MORC4: variants seen among roughly 807,000 people sequenced by gnomAD.
MORC4 encodes the protein MORC family CW-type zinc finger protein 4.
A neutral mutation model predicts 65.5 loss-of-function variants in MORC4; 22 were observed. The observed-to-expected ratio is 0.34, with a 90% CI of 0.24 to 0.48. The LOEUF (loss-of-function observed/expected upper bound fraction) is 0.48. Among genes scored for constraint, MORC4 ranks in the 20% least tolerant of loss-of-function variants. The pLI, the probability that MORC4 is intolerant of heterozygous loss-of-function variation, is 0.99. For synonymous variants in MORC4, 267 were observed against 255.8 expected (o/e 1.04, Z -0.42); for missense variants, 624 against 703.0 (o/e 0.89, Z 1.27).
chrX:106,997,126 G>A (rs1160611748), intron 2 of MORC4, among the ~76,000 whole-genome samples: 1 of 111,987 alleles, frequency 8.9e-6, no homozygotes, highest in East Asian at 2.8e-4. Context: ...TTTGTCACAA[G>A]CCTATTCTTC....
intron 9 of MORC4, among the ~76,000 whole-genome samples, chrX:106,976,241 C>CT (rs1019234659): frequency 2.7e-5 from 3 of 111,056 alleles, no homozygotes; most frequent in Non-Finnish European, 5.7e-5. Context: ...TTTCAAACTG[C>CT]TTTTTTTTAT....
In MORC4 at chrX:106,985,257, T is replaced by C. The variant is rs760847893; in HGVS notation, c.527-14A>G. 3.1e-5 allele frequency: 34 copies of C among 1,105,991 alleles called. No individual in the cohort carries two copies. The highest frequency in any genetic ancestry group is 3.4e-5 in the Non-Finnish European group (28 of 822,780). The allele number at this position is 1,105,991 out of a possible 1,213,427, so 91.1% of individuals were successfully genotyped here. A position where few individuals can be genotyped will look rare whatever the true frequency, so the allele number is the denominator to read the frequency against. On this transcript the variant is annotated splice_polypyrimidine_tract_variant and intron_variant, in intron 4 of 16. Transcript: ENST00000355610. Reference sequence around the variant, plus strand: ...TAATCATTTTTTGTAAAATCAAATATAGTCAAAGAAAAAATAATATCTTAG... The same window carrying C: ...TAATCATTTTTTGTAAAATCAAATACAGTCAAAGAAAAAATAATATCTTAG...
intron 8 of MORC4, 46 bp from the exon 9 acceptor site, chrX:106,976,730 C>T (rs1934632736): frequency 1.1e-6 from 1 of 943,296 alleles, no homozygotes; most frequent in Non-Finnish European, 1.5e-6. Flanking sequence ...CTGTTGGCTG[C>T]CTGGAGGCAT....
chrX:106,990,643 G>A (rs1389231825), intron 3 of MORC4, among the ~76,000 whole-genome samples: 3 of 112,361 alleles, frequency 2.7e-5, no homozygotes, highest in African/African-American at 9.7e-5. Context: ...AGGCCAAGGC[G>A]GGCTGATCAC....
intron 2 of MORC4, among the ~76,000 whole-genome samples, chrX:106,993,711 T>C (rs895027043): frequency 1.8e-5 from 2 of 112,588 alleles, no homozygotes; most frequent in African/African-American, 6.4e-5. Context: ...TTTTAGCCCC[T>C]TTACTGTTTG....
chrX:106,952,042 G>T (rs1163595416), intron 14 of MORC4, among the ~76,000 whole-genome samples: 1 of 99,562 alleles, frequency 1.0e-5, no homozygotes, highest in Non-Finnish European at 2.0e-5. Flanking sequence ...AAAACTATAT[G>T]CACTTTATAT....
chrX:106,949,466 T>G, intron 14 of MORC4, among the ~76,000 whole-genome samples: 1 of 112,333 alleles, frequency 8.9e-6, no homozygotes, highest in Non-Finnish European at 1.9e-5. Context: ...TGTTTCATAA[T>G]TTTTGTTGAC....
At chrX:106,945,771 CTT>C (rs1933811930) in intron 14 of MORC4, among the ~76,000 whole-genome samples, 1 of 110,872 alleles carries the variant, frequency 9.0e-6, no homozygotes, top group African/African-American at 3.3e-5. Context: ...TCTTTCTGCC[CTT>C]TGTCATATTC....
chrX:106,997,380 A>G (rs751435623), intron 2 of MORC4, among the ~76,000 whole-genome samples: 51 of 111,510 alleles, frequency 4.6e-4, no homozygotes, highest in African/African-American at 1.6e-3. Flanking sequence ...TGCAAGACTG[A>G]CTTTCCTGAA....
intron 14 of MORC4, among the ~76,000 whole-genome samples, chrX:106,943,896 T>C (rs1933762023): frequency 1.8e-5 from 2 of 112,771 alleles, no homozygotes; most frequent in African/African-American, 6.4e-5. Context: ...GGAAAGCCCA[T>C]GATGATGACC....
chrX:106,956,848 A>T (rs1934117821), intron 12 of MORC4, 88 bp downstream of exon 12: 1 of 706,335 alleles, frequency 1.4e-6, no homozygotes. Context: ...AACCAAAAAA[A>T]TTCTCTCTTC....
intron 7 of MORC4, among the ~76,000 whole-genome samples, chrX:106,980,344 TAAG>T (rs1208907491): frequency 1.8e-5 from 2 of 111,237 alleles, no homozygotes; most frequent in East Asian, 5.6e-4. Flanking sequence ...ATGTCAAACC[TAAG>T]AAGATTTACT....
At chrX:106,960,576 G>A (rs1934213111) in intron 10 of MORC4, among the ~76,000 whole-genome samples, 1 of 111,694 alleles carries the variant, frequency 9.0e-6, no homozygotes, top group Admixed American at 9.5e-5. Flanking sequence ...TAACAGGTAG[G>A]GTTGTTGTGA....
chrX:106,999,608 C>A, intron 2 of MORC4, 69 bp downstream of exon 2: 2 of 1,007,891 alleles, frequency 2.0e-6, no homozygotes, highest in Non-Finnish European at 2.6e-6. Flanking sequence ...GCATTCCTCT[C>A]GCGTCCGCGG....
intron 10 of MORC4, 72 bp downstream of exon 10, chrX:106,961,940 T>C: frequency 1.1e-6 from 1 of 889,712 alleles, no homozygotes. Context: ...TCCAGACACA[T>C]TACCCTTGTT....
intron 14 of MORC4, among the ~76,000 whole-genome samples, chrX:106,945,748 T>C (rs978385363): frequency 3.6e-5 from 4 of 111,197 alleles, no homozygotes; most frequent in Non-Finnish European, 3.8e-5. Context: ...AACTACACAG[T>C]TTCCTCTTAT....
At chrX:106,985,373 G>A in intron 4 of MORC4, 130 bp from the exon 5 acceptor site, 1 of 417,181 alleles carries the variant, frequency 2.4e-6, no homozygotes, top group Non-Finnish European at 3.8e-6. Context: ...TATAGAAGGA[G>A]GAAAGGTGAA....
chrX:106,984,858 A>C (rs1934836178), intron 5 of MORC4, among the ~76,000 whole-genome samples: 1 of 109,429 alleles, frequency 9.1e-6, no homozygotes, highest in African/African-American at 3.3e-5. Context: ...GCTCTAAATT[A>C]CTCTAAAAAG....
chrX:106,990,138 G>A (rs773665418), intron 3 of MORC4, among the ~76,000 whole-genome samples: 266 of 104,928 alleles, frequency 2.5e-3, no homozygotes, highest in African/African-American at 8.7e-3. Context: ...GCAGTGAGCC[G>A]AGATCGCGCC....
Sources: gnomAD v4.1 joint callset for allele counts (sites outside exome capture counted in the v4.1 genomes callset) on GRCh38, gnomAD v4.1.1 for gene constraint, MANE v1.5 for transcripts, NCBI Gene and HGNC (gene_info 2026-07-23, HGNC 2026-07-21) for gene names.